The following TBC1D22A variants were observed in gnomAD, a reference collection of about 807,000 sequenced individuals.
TBC1D22A encodes the protein TBC1 domain family member 22A.
In TBC1D22A, 38 loss-of-function variants were observed where a neutral mutation model predicts 60.2. The ratio of observed to expected loss-of-function variants is 0.63; its 90% CI spans 0.49 to 0.83. TBC1D22A has a LOEUF of 0.83. Ranked by LOEUF, TBC1D22A falls within the 40% of genes least tolerant of loss-of-function variation. The probability of loss-of-function intolerance (pLI) is 0.00; values close to 1 mark genes in which losing one functional copy is unlikely to be tolerated. For missense variants in TBC1D22A, 628 were observed against 701.0 expected (o/e 0.90, Z 1.18); for synonymous variants, 302 against 281.7 (o/e 1.07, Z -0.72).
intron 3 of TBC1D22A, 28 bp from the exon 4 acceptor site, chr22:46,797,416 C>T: frequency 6.2e-7 from 1 of 1,611,248 alleles, no homozygotes; most frequent in East Asian, 2.2e-5. Context: ...GCGCCCTCAC[C>T]CTCACCCCCA....
intron 8 of TBC1D22A, chr22:46,913,651 C>T: frequency 2.0e-6 from 2 of 985,330 alleles, no homozygotes; most frequent in Non-Finnish European, 2.4e-6. Flanking sequence ...TCTTAATGAT[C>T]CTAGAACAGT....
chr22:46,806,528 TTAAA>T (rs2085147809), intron 4 of TBC1D22A, among the ~76,000 whole-genome samples: 1 of 149,284 alleles, frequency 6.7e-6, no homozygotes, highest in Non-Finnish European at 1.5e-5. Flanking sequence ...TAAATTTAAA[TTAAA>T]TTTTAAATTA....
At chr22:47,122,001 G>C (rs2066287662) in intron 12 of TBC1D22A, among the ~76,000 whole-genome samples, 1 of 152,220 alleles carries the variant, frequency 6.6e-6, no homozygotes, top group African/African-American at 2.4e-5. Flanking sequence ...TGTCCCCTCA[G>C]CTCGCTGACA....
chr22:46,948,817 G>A (rs2072715650), intron 8 of TBC1D22A, among the ~76,000 whole-genome samples: 2 of 152,180 alleles, frequency 1.3e-5, no homozygotes, highest in Admixed American at 6.5e-5. Flanking sequence ...TTGTAAGCAC[G>A]GCCAAACAGA....
chr22:47,110,447 C>G (rs2065806567), intron 11 of TBC1D22A, among the ~76,000 whole-genome samples: 1 of 152,162 alleles, frequency 6.6e-6, no homozygotes, highest in Non-Finnish European at 1.5e-5. Context: ...CTACTACCCT[C>G]CAGCCTGGGC....
At chr22:46,815,106 T>C (rs1166483812) in intron 4 of TBC1D22A, among the ~76,000 whole-genome samples, 1 of 152,220 alleles carries the variant, frequency 6.6e-6, no homozygotes, top group African/African-American at 2.4e-5. Context: ...ATTATTTGGG[T>C]GTTTAAGTTG....
At chr22:46,775,183 G>A (rs2083651728) in intron 1 of TBC1D22A, among the ~76,000 whole-genome samples, 1 of 152,210 alleles carries the variant, frequency 6.6e-6, no homozygotes. Flanking sequence ...TGGTGTCACT[G>A]TGGCTCTCTT....
intron 11 of TBC1D22A, among the ~76,000 whole-genome samples, chr22:47,045,414 A>C (rs1398925145): frequency 6.6e-6 from 1 of 152,180 alleles, no homozygotes; most frequent in Non-Finnish European, 1.5e-5. Flanking sequence ...GGTCATGCAG[A>C]GGTGTCAGGC....
At chr22:46,801,485 A>G (rs2084893732) in intron 4 of TBC1D22A, among the ~76,000 whole-genome samples, 1 of 152,244 alleles carries the variant, frequency 6.6e-6, no homozygotes, top group South Asian at 2.1e-4. Context: ...AAAGTAGCAA[A>G]TAGAACTTAA....
Position 46,977,144 on chromosome 22 carries a change from G to C in TBC1D22A, c.1125+2745G>C, listed in dbSNP as rs545572612. ...ATTAAAACCCACGTTGACGGCTCTGGGATCTTTCCTAGCTGAAATACATAG... is the reference window on the plus strand; with the variant it reads ...ATTAAAACCCACGTTGACGGCTCTGCGATCTTTCCTAGCTGAAATACATAG... On this transcript the variant is annotated intron_variant, in intron 9 of 12. Coordinates refer to ENST00000337137, the MANE Select transcript of TBC1D22A (RefSeq NM_014346.5). Among the ~76,000 whole-genome samples the C allele has an allele frequency of 3.9e-5, 6 of 152,266 alleles. No homozygotes were observed. In the South Asian group the frequency reaches 1.0e-3, roughly 26 times the overall value.
intron 12 of TBC1D22A, among the ~76,000 whole-genome samples, chr22:47,132,286 C>T (rs1324554860): frequency 6.6e-6 from 1 of 152,210 alleles, no homozygotes; most frequent in East Asian, 1.9e-4. Flanking sequence ...GGCCCCGTGC[C>T]ACCCCGTTCT....
chr22:46,804,876 T>C (rs1467200329), intron 4 of TBC1D22A, among the ~76,000 whole-genome samples: 4 of 152,224 alleles, frequency 2.6e-5, no homozygotes, highest in Admixed American at 2.6e-4. Flanking sequence ...TAAAAACTTA[T>C]CTGTTGCATG....
intron 3 of TBC1D22A, among the ~76,000 whole-genome samples, chr22:46,794,544 G>A (rs1217937856): frequency 1.3e-5 from 2 of 152,206 alleles, no homozygotes; most frequent in Non-Finnish European, 2.9e-5. Flanking sequence ...TGTGGGCCGC[G>A]GGTACTGTTT....
chr22:47,104,577 C>A (rs919608816), intron 11 of TBC1D22A, among the ~76,000 whole-genome samples: 1 of 151,836 alleles, frequency 6.6e-6, no homozygotes, highest in African/African-American at 2.4e-5. Context: ...TGCCTGTAAT[C>A]CCAGCTACCC....
chr22:46,995,813 T>A (rs1449573710), intron 9 of TBC1D22A, among the ~76,000 whole-genome samples: 1 of 152,028 alleles, frequency 6.6e-6, no homozygotes, highest in East Asian at 1.9e-4. Flanking sequence ...GCCTGCCTGG[T>A]TGACCACCTC....
At chr22:46,978,525 G>A (rs573271674) in intron 9 of TBC1D22A, among the ~76,000 whole-genome samples, 3 of 152,276 alleles carry the variant, frequency 2.0e-5, no homozygotes, top group South Asian at 2.1e-4. Flanking sequence ...CATTCAATTT[G>A]TTGTGGTATT....
At chr22:47,159,637 C>T (rs552032196) in intron 12 of TBC1D22A, among the ~76,000 whole-genome samples, 1 of 151,920 alleles carries the variant, frequency 6.6e-6, no homozygotes, top group East Asian at 1.9e-4. Context: ...ACCACACATG[C>T]ACCACATACC....
At chr22:47,088,707 C>T (rs1377083505) in intron 11 of TBC1D22A, among the ~76,000 whole-genome samples, 1 of 152,088 alleles carries the variant, frequency 6.6e-6, no homozygotes, top group Admixed American at 6.6e-5. Context: ...AGCCAGTGCT[C>T]ACCAGTAGCA....
chr22:46,863,516 G>A (rs1455047273), intron 4 of TBC1D22A, among the ~76,000 whole-genome samples: 2 of 152,138 alleles, frequency 1.3e-5, no homozygotes, highest in Admixed American at 6.5e-5. Flanking sequence ...GGTTCTGACT[G>A]GTCAGGATAA....
Sources: gnomAD v4.1 joint callset for allele counts (sites outside exome capture counted in the v4.1 genomes callset) on GRCh38, gnomAD v4.1.1 for gene constraint, MANE v1.5 for transcripts, NCBI Gene and HGNC (gene_info 2026-07-23, HGNC 2026-07-21) for gene names.